RTN1: variants seen among roughly 807,000 people sequenced by gnomAD.
RTN1 encodes reticulon-1.
A neutral mutation model predicts 65.5 loss-of-function variants in RTN1; 25 were observed. That is an observed-to-expected ratio of 0.38 (90% CI 0.28 to 0.53). The LOEUF (loss-of-function observed/expected upper bound fraction) is 0.53, where lower values mean the gene tolerates loss of function less well. Among genes scored for constraint, RTN1 ranks in the 20% least tolerant of loss-of-function variants. The probability of loss-of-function intolerance (pLI) is 0.79; values close to 1 mark genes in which losing one functional copy is unlikely to be tolerated. For missense variants in RTN1, 983 were observed against 1,025.4 expected (o/e 0.96, Z 0.57); for synonymous variants, 471 against 447.6 (o/e 1.05, Z -0.66).
At chr14:59,694,915 T>C (rs894997786) in intron 3 of RTN1, among the ~76,000 whole-genome samples, 2 of 152,198 alleles carry the variant, frequency 1.3e-5, no homozygotes, top group Non-Finnish European at 2.9e-5. Flanking sequence ...AGAGAGTGGT[T>C]GGGTTCCAGT....
At chr14:59,598,828 C>G (rs1258068007) in intron 8 of RTN1, among the ~76,000 whole-genome samples, 1 of 152,168 alleles carries the variant, frequency 6.6e-6, no homozygotes, top group African/African-American at 2.4e-5. Flanking sequence ...GCTATGGTGT[C>G]CTTTTAAAGT....
intron 1 of RTN1, among the ~76,000 whole-genome samples, chr14:59,857,160 A>G (rs1887623128): frequency 6.6e-6 from 1 of 152,102 alleles, no homozygotes; most frequent in African/African-American, 2.4e-5. Flanking sequence ...ATACCTAACT[A>G]TAGAATCTGA....
intron 3 of RTN1, among the ~76,000 whole-genome samples, chr14:59,685,219 C>T (rs528477214): frequency 1.3e-4 from 20 of 152,148 alleles, no homozygotes; most frequent in African/African-American, 3.6e-4. Flanking sequence ...TCATACCGAA[C>T]GGGAAAAGTT....
chr14:59,632,798 A>G (rs1175170870), intron 3 of RTN1, among the ~76,000 whole-genome samples: 2 of 152,112 alleles, frequency 1.3e-5, no homozygotes, highest in African/African-American at 4.8e-5. Flanking sequence ...TTCATTGACC[A>G]TAAAGTTGAC....
chr14:59,743,090 G>A (rs1885145491), intron 2 of RTN1, among the ~76,000 whole-genome samples: 2 of 152,192 alleles, frequency 1.3e-5, no homozygotes, highest in African/African-American at 4.8e-5. Context: ...TGCTTAGAAT[G>A]TTTATTTGAT....
At chr14:59,834,470 G>A (rs1887180329) in intron 1 of RTN1, among the ~76,000 whole-genome samples, 2 of 152,096 alleles carry the variant, frequency 1.3e-5, no homozygotes, top group African/African-American at 4.8e-5. Context: ...ACCTGATAAA[G>A]GACTTGTGTG....
intron 1 of RTN1, among the ~76,000 whole-genome samples, chr14:59,757,079 A>C (rs943416429): frequency 2.0e-5 from 3 of 152,120 alleles, no homozygotes; most frequent in Admixed American, 6.5e-5. Flanking sequence ...GAGATTTCCC[A>C]TATGCCCCTG....
Position 59,598,466 on chromosome 14 carries a change from C to A in RTN1, c.2289-1679G>T, listed in dbSNP as rs1323209671. On this transcript the variant is annotated intron_variant, in intron 8 of 8. Transcript: ENST00000267484. ...ACCTTACATAAATAAGTGGATAGAC[C>A]TGGTGCTTAGTTGAAGAGGTCTGGG... Among the ~76,000 whole-genome samples, 3 of 152,106 alleles carry A rather than the reference C, an allele frequency of 2.0e-5. 1 individual carries two copies. The highest frequency in any genetic ancestry group is 4.4e-5 in the Non-Finnish European group (3 of 68,026).
chr14:59,827,930 T>C (rs1184675553), intron 1 of RTN1, among the ~76,000 whole-genome samples: 1 of 152,256 alleles, frequency 6.6e-6, no homozygotes, highest in East Asian at 1.9e-4. Flanking sequence ...TACTCATCTT[T>C]GGTATCTAAT....
intron 1 of RTN1, among the ~76,000 whole-genome samples, chr14:59,810,557 T>C (rs1375516100): frequency 1.3e-5 from 2 of 152,192 alleles, no homozygotes; most frequent in Non-Finnish European, 2.9e-5. Context: ...GGGCATTCAC[T>C]TCTCCACATC....
intron 1 of RTN1, among the ~76,000 whole-genome samples, chr14:59,814,610 T>A (rs1886786898): frequency 6.6e-6 from 1 of 152,220 alleles, no homozygotes; most frequent in Admixed American, 6.5e-5. Flanking sequence ...GTGTATCTGG[T>A]CATCTATGGC....
intron 3 of RTN1, among the ~76,000 whole-genome samples, chr14:59,663,646 A>ACAACC (rs1555354197): frequency 6.6e-6 from 1 of 151,394 alleles, no homozygotes; most frequent in Admixed American, 6.6e-5. Flanking sequence ...GAAAAAAAAA[A>ACAACC]CCATCAAAAA....
chr14:59,603,030 G>C (rs1881628414), intron 8 of RTN1, 35 bp downstream of exon 8: 1 of 1,570,194 alleles, frequency 6.4e-7, no homozygotes, highest in Middle Eastern at 1.7e-4. Flanking sequence ...ATGTAAGAGA[G>C]TCTCTCCTTT....
At chr14:59,635,115 T>G (rs1195090103) in intron 3 of RTN1, among the ~76,000 whole-genome samples, 3 of 152,174 alleles carry the variant, frequency 2.0e-5, no homozygotes, top group African/African-American at 7.2e-5. Flanking sequence ...ACCCACATTA[T>G]AGTGAACATG....
chr14:59,719,295 T>C (rs574506594), intron 3 of RTN1, among the ~76,000 whole-genome samples: 1 of 152,302 alleles, frequency 6.6e-6, no homozygotes, highest in Non-Finnish European at 1.5e-5. Context: ...CCTAGAACTT[T>C]CCTGTCTCTG....
chr14:59,705,199 C>T (rs563484178), intron 3 of RTN1, among the ~76,000 whole-genome samples: 6 of 152,272 alleles, frequency 3.9e-5, no homozygotes, highest in Admixed American at 1.3e-4. Context: ...AACAAGCACA[C>T]GGAAGTCTAT....
chr14:59,799,004 A>G (rs932955293), intron 1 of RTN1, among the ~76,000 whole-genome samples: 32 of 152,308 alleles, frequency 2.1e-4, no homozygotes, highest in African/African-American at 7.7e-4. Context: ...TTTTCAAGCA[A>G]TCATGTCTGA....
chr14:59,643,611 G>A (rs952403136), intron 3 of RTN1, among the ~76,000 whole-genome samples: 7 of 152,134 alleles, frequency 4.6e-5, no homozygotes, highest in African/African-American at 9.7e-5. Context: ...ATCATTAGCC[G>A]TCTGCTGAAC....
chr14:59,681,624 C>T (rs1052641497), intron 3 of RTN1, among the ~76,000 whole-genome samples: 4 of 152,278 alleles, frequency 2.6e-5, no homozygotes, highest in African/African-American at 9.6e-5. Flanking sequence ...TCTGAATCTC[C>T]AGCCTGGACC....
Sources: allele counts gnomAD v4.1 joint callset (sites outside exome capture counted in the v4.1 genomes callset), GRCh38; gene constraint gnomAD v4.1.1; transcripts MANE v1.5; gene names NCBI Gene and HGNC (gene_info 2026-07-23, HGNC 2026-07-21).